OSBPL1A: variants seen among roughly 807,000 people sequenced by gnomAD.
OSBPL1A encodes oxysterol-binding protein-related protein 1.
Under a neutral mutation model 137.1 loss-of-function variants are expected in OSBPL1A, and 80 were observed. The observed-to-expected ratio is 0.58, with a 90% CI of 0.49 to 0.70. The LOEUF is 0.70. OSBPL1A is among the 30% of genes least tolerant of loss of function. OSBPL1A has a pLI of 0.00. For missense variants in OSBPL1A, 970 were observed against 1,129.4 expected, an observed-to-expected ratio of 0.86 and a Z score of 2.02; for synonymous variants, 365 against 389.7, an observed-to-expected ratio of 0.94 and a Z score of 0.75.
At chr18:24,238,043 TAATC>T (rs2088555197) in intron 16 of OSBPL1A, among the ~76,000 whole-genome samples, 1 of 152,244 alleles carries the variant, frequency 6.6e-6, no homozygotes, top group Non-Finnish European at 1.5e-5. Flanking sequence ...CTATTTGTCT[TAATC>T]AATCAATCAC....
intron 16 of OSBPL1A, among the ~76,000 whole-genome samples, chr18:24,229,581 A>G (rs192355872): frequency 1.3e-5 from 2 of 152,286 alleles, no homozygotes; most frequent in African/African-American, 4.8e-5. Context: ...TCATGGTTCT[A>G]TAGATATTTC....
At chr18:24,225,543 T>C (rs1030970511) in intron 16 of OSBPL1A, among the ~76,000 whole-genome samples, 9 of 152,202 alleles carry the variant, frequency 5.9e-5, no homozygotes, top group Admixed American at 2.6e-4. Flanking sequence ...ATCTTAAGTA[T>C]AACTTCCAAA....
At chr18:24,314,758 G>A (rs2090687789) in intron 11 of OSBPL1A, among the ~76,000 whole-genome samples, 1 of 152,150 alleles carries the variant, frequency 6.6e-6, no homozygotes, top group South Asian at 2.1e-4. Flanking sequence ...TAAAGAAGGA[G>A]AAAAGGGAAA....
At chr18:24,212,971 A>AC (rs2087587744) in intron 17 of OSBPL1A, among the ~76,000 whole-genome samples, 2 of 152,240 alleles carry the variant, frequency 1.3e-5, no homozygotes, top group Non-Finnish European at 2.9e-5. Context: ...TGTACCCTGT[A>AC]CCTAGTTTCA....
At chr18:24,264,535 G>T (rs1189176969) in intron 15 of OSBPL1A, among the ~76,000 whole-genome samples, 2 of 152,130 alleles carry the variant, frequency 1.3e-5, no homozygotes, top group Non-Finnish European at 2.9e-5. Context: ...GGAATCTTAG[G>T]AAATAGACTA....
At chr18:24,213,747 T>C (rs1302078352) in intron 17 of OSBPL1A, among the ~76,000 whole-genome samples, 1 of 152,176 alleles carries the variant, frequency 6.6e-6, no homozygotes, top group African/African-American at 2.4e-5. Context: ...GGTGGTCTTG[T>C]TTTACAAGAG....
At chr18:24,377,823 A>G (rs1242863493) in intron 1 of OSBPL1A, among the ~76,000 whole-genome samples, 1 of 152,238 alleles carries the variant, frequency 6.6e-6, no homozygotes, top group African/African-American at 2.4e-5. Flanking sequence ...TTGTTGTAAG[A>G]TTATGTATGT....
At chr18:24,298,625 A>G (rs62088006) in intron 14 of OSBPL1A, among the ~76,000 whole-genome samples, 7,523 of 152,316 alleles carry the variant, frequency 0.049, 268 homozygotes, top group Admixed American at 0.082. Flanking sequence ...GATTACAGGC[A>G]TGAGCCACCG....
chr18:24,234,201 C>G (rs980790811), intron 16 of OSBPL1A, among the ~76,000 whole-genome samples: 2 of 152,144 alleles, frequency 1.3e-5, no homozygotes, highest in African/African-American at 4.8e-5. Flanking sequence ...TTGAAGAATA[C>G]TTTATCCACA....
chr18:24,379,873 A>G (rs534915023), intron 1 of OSBPL1A, among the ~76,000 whole-genome samples: 1 of 152,318 alleles, frequency 6.6e-6, no homozygotes, highest in Admixed American at 6.5e-5. Context: ...ACCGTCTTAA[A>G]AAAAAGAATT....
At chr18:24,175,807 TA>T (rs1161764853) in intron 21 of OSBPL1A, among the ~76,000 whole-genome samples, 1 of 152,230 alleles carries the variant, frequency 6.6e-6, no homozygotes, top group African/African-American at 2.4e-5. Context: ...CTGATTTTTG[TA>T]AAAGGCGTGA....
chr18:24,166,124 C>T (rs1185196875), intron 26 of OSBPL1A, among the ~76,000 whole-genome samples: 1 of 152,080 alleles, frequency 6.6e-6, no homozygotes, highest in Non-Finnish European at 1.5e-5. Context: ...TGTAATACCC[C>T]ATTTACCCTG....
At position 24,283,281 on chromosome 18, in the gene OSBPL1A, A is replaced by AATATAT. The variant is rs869287828; in HGVS notation, c.1175-2339_1175-2334dup. Among the ~76,000 whole-genome samples the AATATAT allele has an allele frequency of 6.0e-3, 468 of 78,232 alleles. 8 individuals are homozygous for AATATAT. The highest frequency in any genetic ancestry group is 0.018 in the Middle Eastern group (2 of 110). The allele number at this position is 78,232 out of a possible 152,430, so 51.3% of individuals were successfully genotyped here. The stretch of plus-strand genomic sequence containing the variant: ...CTCCATCTCAAAAAAAAAAAAAAAA[A>AATATAT]ATATATATATATATATATATATGTA... On this transcript the variant is annotated intron_variant, in intron 14 of 27. Coordinates refer to ENST00000319481, the MANE Select transcript of OSBPL1A (RefSeq NM_080597.4).
intron 15 of OSBPL1A, among the ~76,000 whole-genome samples, chr18:24,249,028 T>C (rs1276272322): frequency 2.6e-5 from 4 of 152,236 alleles, no homozygotes; most frequent in African/African-American, 9.6e-5. Context: ...GTGGATTCAA[T>C]ACACATTTAC....
rs140798962 is a variant in OSBPL1A at position 24,271,729 on chromosome 18, G to C, written c.1281+9113C>G. 1.4e-5 allele frequency: 14 copies of C among 985,172 alleles called. No individual in the cohort carries two copies. The highest frequency in any genetic ancestry group is 1.7e-5 in the Non-Finnish European group (14 of 829,904). The allele number at this position is 985,172 out of a possible 1,614,324, so 61.0% of individuals were successfully genotyped here. A position where few individuals can be genotyped will look rare whatever the true frequency, so the allele number is the denominator to read the frequency against. ...CCTCCTCCTCCCCTCCAGTCGAGCC[G>C]AGGCGAGCCGATCCGGGAGGCGCGA... On this transcript the variant is annotated intron_variant, in intron 15 of 27. Transcript: ENST00000319481. This position sits in a 1 kb window ranked among gnomAD's most constrained non-coding sequence, Gnocchi z 4.0.
chr18:24,227,492 T>C (rs896719286), intron 16 of OSBPL1A, among the ~76,000 whole-genome samples: 1 of 152,196 alleles, frequency 6.6e-6, no homozygotes, highest in African/African-American at 2.4e-5. Flanking sequence ...GAAAGGCCAG[T>C]CTGGTTCAGG....
intron 15 of OSBPL1A, among the ~76,000 whole-genome samples, chr18:24,269,416 C>T (rs559680737): frequency 6.6e-6 from 1 of 152,294 alleles, no homozygotes; most frequent in East Asian, 1.9e-4. Flanking sequence ...GGGTATGTTG[C>T]ACCTTCTGTA....
chr18:24,293,885 G>A (rs2090239427), intron 14 of OSBPL1A, among the ~76,000 whole-genome samples: 2 of 152,320 alleles, frequency 1.3e-5, no homozygotes, highest in Non-Finnish European at 2.9e-5. Context: ...GTAGGGGGAA[G>A]GGTGAAATCT....
intron 15 of OSBPL1A, among the ~76,000 whole-genome samples, chr18:24,278,434 G>A (rs1273430195): frequency 6.6e-6 from 1 of 152,092 alleles, no homozygotes; most frequent in African/African-American, 2.4e-5. Flanking sequence ...CTATGTGTCT[G>A]GTACTATGCT....
Sources: gnomAD v4.1 joint callset for allele counts (sites outside exome capture counted in the v4.1 genomes callset) on GRCh38, gnomAD v4.1.1 for gene constraint, Gnocchi (gnomAD v3.1) non-coding constraint, MANE v1.5 for transcripts, NCBI Gene and HGNC (gene_info 2026-07-23, HGNC 2026-07-21) for gene names.